Variants in GABRA3 observed in about 807,000 individuals in gnomAD.
GABRA3 encodes gamma-aminobutyric acid receptor subunit alpha-3.
In GABRA3, 10 loss-of-function variants were observed where a neutral mutation model predicts 30.1. That is an observed-to-expected ratio of 0.33 (90% confidence interval 0.20 to 0.56). The LOEUF is 0.56. Ranked by LOEUF, GABRA3 falls within the 20% of genes least tolerant of loss-of-function variation. The probability of loss-of-function intolerance (pLI) is 0.89; values close to 1 mark genes in which losing one functional copy is unlikely to be tolerated. For synonymous variants in GABRA3, 151 were observed against 146.8 expected (o/e 1.03, Z -0.21); for missense variants, 233 against 392.0 (o/e 0.59, Z 3.42).
intron 4 of GABRA3, among the ~76,000 whole-genome samples, chrX:152,278,540 C>T (rs999045539): frequency 2.1e-4 from 23 of 111,467 alleles, no homozygotes; most frequent in South Asian, 7.5e-4. Flanking sequence ...TCCAAGTCTT[C>T]GCTATTGTGA....
At chrX:152,197,956 T>A (rs560466597) in intron 7 of GABRA3, among the ~76,000 whole-genome samples, 171 bp from the exon 8 acceptor site, 2 of 111,709 alleles carry the variant, frequency 1.8e-5, no homozygotes, top group South Asian at 7.5e-4. Flanking sequence ...GTTTTTTGTG[T>A]GTGTGTGAAA....
intron 5 of GABRA3, among the ~76,000 whole-genome samples, chrX:152,241,437 A>G (rs910817316): frequency 7.6e-5 from 8 of 105,656 alleles, no homozygotes; most frequent in Non-Finnish European, 1.4e-4. Context: ...TTAAGTCTGC[A>G]GAGGTTACTG....
At chrX:152,181,674 G>A (rs891076594) in intron 9 of GABRA3, among the ~76,000 whole-genome samples, 9 of 109,767 alleles carry the variant, frequency 8.2e-5, no homozygotes, top group African/African-American at 3.0e-4. Flanking sequence ...CCTGTTGTGG[G>A]GTGGGAGGCT....
chrX:152,232,517 T>A (rs1938101942), intron 5 of GABRA3, among the ~76,000 whole-genome samples: 1 of 110,197 alleles, frequency 9.1e-6, no homozygotes, highest in South Asian at 3.9e-4. Context: ...ATGCAGTATT[T>A]GACTTTCTGT....
At chrX:152,186,349 A>G (rs183857753) in intron 9 of GABRA3, among the ~76,000 whole-genome samples, 1 of 109,399 alleles carries the variant, frequency 9.1e-6, no homozygotes, top group Admixed American at 9.8e-5. Context: ...CCCAAGTAGC[A>G]TGCTACCGTG....
At chrX:152,351,312 C>A (rs1940475437) in intron 2 of GABRA3, among the ~76,000 whole-genome samples, 1 of 112,138 alleles carries the variant, frequency 8.9e-6, no homozygotes, top group Non-Finnish European at 1.9e-5. Context: ...ATCTGTTGTT[C>A]ATGTAGCCAC....
chrX:152,345,616 T>TC lies in GABRA3; in HGVS notation c.226dup (p.Asp76GlyfsTer4). On this transcript the variant is annotated frameshift_variant, in exon 3 of 10. Coordinates refer to ENST00000370314, the MANE Select transcript of GABRA3 (RefSeq NM_000808.4). LOFTEE classifies it high-confidence loss of function. ...AGGTCGCAGCCGGTTGTCATAGCCGTCCAGAAGACGATCCAAGATTCTGGT... is the reference window on the plus strand; with the variant it reads ...AGGTCGCAGCCGGTTGTCATAGCCGTCCCAGAAGACGATCCAAGATTCTGGT... 8.3e-7 allele frequency: 1 copy of TC among 1,208,979 alleles called. No homozygotes were observed. Among genetic ancestry groups the TC allele is most frequent in the Non-Finnish European group, 1.1e-6 (1 of 894,185 alleles).
At chrX:152,312,936 C>T (rs1387806126) in intron 3 of GABRA3, among the ~76,000 whole-genome samples, 1 of 111,239 alleles carries the variant, frequency 9.0e-6, no homozygotes, top group Admixed American at 9.6e-5. Context: ...ATGAGATAGC[C>T]ATTCCGACTG....
chrX:152,413,442 A>C (rs1013626201), intron 1 of GABRA3, among the ~76,000 whole-genome samples: 1 of 111,762 alleles, frequency 8.9e-6, no homozygotes, highest in African/African-American at 3.2e-5. Context: ...TGAGTCCATC[A>C]AATATAAAAC....
intron 2 of GABRA3, among the ~76,000 whole-genome samples, chrX:152,348,879 G>A (rs1940431898): frequency 8.9e-6 from 1 of 112,154 alleles, no homozygotes; most frequent in African/African-American, 3.2e-5. Flanking sequence ...GGAAGGTTTT[G>A]CCTCAGTGTG....
intron 9 of GABRA3, among the ~76,000 whole-genome samples, chrX:152,175,978 C>T (rs932856059): frequency 9.1e-6 from 1 of 109,651 alleles, no homozygotes; most frequent in African/African-American, 3.3e-5. Flanking sequence ...GCAGAAGAAT[C>T]GCTTGAACCC....
At chrX:152,322,226 A>C (rs777398342) in intron 3 of GABRA3, among the ~76,000 whole-genome samples, 1 of 112,572 alleles carries the variant, frequency 8.9e-6, no homozygotes, top group East Asian at 2.8e-4. Context: ...TAAATCAAAG[A>C]AAGCAGACAC....
At chrX:152,361,260 G>T (rs1928493236) in intron 2 of GABRA3, among the ~76,000 whole-genome samples, 1 of 109,907 alleles carries the variant, frequency 9.1e-6, no homozygotes. Flanking sequence ...GCATCAACAG[G>T]ATGCTAACAA....
intron 3 of GABRA3, among the ~76,000 whole-genome samples, chrX:152,309,036 T>A (rs1939761528): frequency 8.9e-6 from 1 of 111,886 alleles, no homozygotes; most frequent in Non-Finnish European, 1.9e-5. Flanking sequence ...GAGGAAAGAT[T>A]CTCATATCTT....
intron 4 of GABRA3, among the ~76,000 whole-genome samples, chrX:152,267,251 G>T (rs1257291143): frequency 9.0e-6 from 1 of 111,422 alleles, no homozygotes; most frequent in Non-Finnish European, 1.9e-5. Flanking sequence ...ATTCTTTTTT[G>T]GTATCTATTA....
intron 5 of GABRA3, among the ~76,000 whole-genome samples, chrX:152,243,402 A>C (rs1233826626): frequency 1.8e-5 from 2 of 112,127 alleles, no homozygotes; most frequent in East Asian, 5.6e-4. Flanking sequence ...TGATTTAGCT[A>C]TTCCCCAATG....
chrX:152,198,711 G>T (rs1395305842), intron 7 of GABRA3, among the ~76,000 whole-genome samples: 1 of 111,850 alleles, frequency 8.9e-6, no homozygotes, highest in Non-Finnish European at 1.9e-5. Flanking sequence ...AAACACTGGA[G>T]GATGTCAAAG....
At chrX:152,304,446 T>G (rs1330583964) in intron 3 of GABRA3, among the ~76,000 whole-genome samples, 1 of 112,473 alleles carries the variant, frequency 8.9e-6, no homozygotes, top group Non-Finnish European at 1.9e-5. Context: ...TATATTTGAA[T>G]CTTTAATCCA....
chrX:152,240,157 G>A (rs1186398852), intron 5 of GABRA3, among the ~76,000 whole-genome samples: 1 of 103,866 alleles, frequency 9.6e-6, no homozygotes, highest in Non-Finnish European at 1.9e-5. Flanking sequence ...CATGTTTAGC[G>A]CTTCCTTCAG....
Sources: allele counts gnomAD v4.1 joint callset (sites outside exome capture counted in the v4.1 genomes callset), GRCh38; gene constraint gnomAD v4.1.1; transcripts MANE v1.5; gene names NCBI Gene and HGNC (gene_info 2026-07-23, HGNC 2026-07-21).